The following CACNA2D3 variants were observed in gnomAD, a reference collection of about 807,000 sequenced individuals.
The protein encoded by CACNA2D3 is calcium voltage-gated channel auxiliary subunit alpha2delta 3.
Under a neutral mutation model 160.6 loss-of-function variants are expected in CACNA2D3, and 60 were observed. That is an observed-to-expected ratio of 0.37 (90% confidence interval 0.30 to 0.46). The LOEUF is 0.46. Among genes scored for constraint, CACNA2D3 ranks in the 20% least tolerant of loss-of-function variants. CACNA2D3 has a pLI of 1.00. For missense variants in CACNA2D3, 1,205 were observed against 1,365.0 expected, an observed-to-expected ratio of 0.88 and a Z score of 1.85; for synonymous variants, 558 against 492.9, an observed-to-expected ratio of 1.13 and a Z score of -1.75.
intron 11 of CACNA2D3, among the ~76,000 whole-genome samples, chr3:54,695,968 G>A (rs769261326): frequency 1.3e-5 from 2 of 152,098 alleles, no homozygotes; most frequent in Non-Finnish European, 2.9e-5. Context: ...TTCCTGAAAA[G>A]GCCTTGGTTT....
At chr3:54,831,710 T>C (rs560859689) in intron 14 of CACNA2D3, among the ~76,000 whole-genome samples, 1 of 152,332 alleles carries the variant, frequency 6.6e-6, no homozygotes, top group Admixed American at 6.5e-5. Flanking sequence ...CTTTTGCCTT[T>C]GGCCTTTTTG....
At chr3:54,842,601 TC>T (rs1476261391) in intron 16 of CACNA2D3, among the ~76,000 whole-genome samples, 15 of 102,018 alleles carry the variant, frequency 1.5e-4, no homozygotes, top group Admixed American at 2.0e-4. Context: ...TTCTTTTTTT[TC>T]TTTTCTTTTT....
At chr3:54,451,447 C>G (rs1326089988) in intron 4 of CACNA2D3, among the ~76,000 whole-genome samples, 1 of 151,798 alleles carries the variant, frequency 6.6e-6, no homozygotes, top group East Asian at 1.9e-4. Flanking sequence ...TGTTAGTCTT[C>G]TACAAATGTC....
rs547495322 is a variant in CACNA2D3, at chr3:54,454,791, C to T, written c.382-48701C>T. ...CCTCTAATAACCATTATTCTACTCT[C>T]TGCTTATATGGGATCAACTTTTTTA... On this transcript the variant is annotated intron_variant, in intron 4 of 37. Transcript: ENST00000474759. Among the ~76,000 whole-genome samples, 8 of 152,248 alleles carry T rather than the reference C, an allele frequency of 5.3e-5. No individual in the cohort carries two copies. The East Asian group carries it at 1.5e-3, about 29-fold the overall frequency.
At chr3:54,346,730 G>C (rs1698465061) in intron 3 of CACNA2D3, among the ~76,000 whole-genome samples, 2 of 152,042 alleles carry the variant, frequency 1.3e-5, no homozygotes, top group South Asian at 4.2e-4. Context: ...CTCACTCTTT[G>C]TGTTGTATAG....
intron 10 of CACNA2D3, among the ~76,000 whole-genome samples, chr3:54,628,137 CAGG>C (rs1699162411): frequency 1.3e-5 from 2 of 152,114 alleles, no homozygotes; most frequent in South Asian, 4.2e-4. Context: ...GAGGTGGAGG[CAGG>C]AGAATGGTGT....
At chr3:54,618,381 A>ATATATATG (rs1244173135) in intron 9 of CACNA2D3, among the ~76,000 whole-genome samples, 2 of 140,230 alleles carry the variant, frequency 1.4e-5, no homozygotes, top group Non-Finnish European at 3.1e-5. Context: ...ATATGCACAC[A>ATATATATG]CACACACACA....
chr3:54,341,294 G>C (rs1698335870), intron 3 of CACNA2D3, among the ~76,000 whole-genome samples: 1 of 152,210 alleles, frequency 6.6e-6, no homozygotes, highest in Admixed American at 6.5e-5. Context: ...GACTCTACCA[G>C]TGGCTGATCA....
chr3:54,926,505 TACACACACACACACAC>T (rs36205023), intron 27 of CACNA2D3, among the ~76,000 whole-genome samples: 105 of 143,402 alleles, frequency 7.3e-4, no homozygotes, highest in African/African-American at 1.9e-3. Context: ...GCCTGTCAAA[TACACACACACACACAC>T]ACACACACAC....
At chr3:54,377,743 A>G (rs1471319349) in intron 3 of CACNA2D3, among the ~76,000 whole-genome samples, 1 of 152,220 alleles carries the variant, frequency 6.6e-6, no homozygotes, top group Non-Finnish European at 1.5e-5. Flanking sequence ...CTGTAACAAA[A>G]TGTACCCCAA....
intron 2 of CACNA2D3, among the ~76,000 whole-genome samples, chr3:54,124,152 C>T (rs550114386): frequency 4.6e-5 from 7 of 152,216 alleles, no homozygotes; most frequent in Non-Finnish European, 1.0e-4. Flanking sequence ...CTCAGCTGCA[C>T]TGCCGGGTAA....
At chr3:54,825,873 A>G (rs148858549) in intron 14 of CACNA2D3, among the ~76,000 whole-genome samples, 1 of 152,298 alleles carries the variant, frequency 6.6e-6, no homozygotes, top group African/African-American at 2.4e-5. Context: ...ATCTGACTTT[A>G]TTAGTTCTCA....
intron 11 of CACNA2D3, among the ~76,000 whole-genome samples, chr3:54,736,044 TACAC>T (rs1173062299): frequency 0.033 from 1,654 of 50,136 alleles, 219 homozygotes; most frequent in African/African-American, 0.043. Context: ...TGTATATATA[TACAC>T]ATACATATGT....
At chr3:54,338,054 C>T (rs1441773867) in intron 3 of CACNA2D3, among the ~76,000 whole-genome samples, 1 of 152,232 alleles carries the variant, frequency 6.6e-6, no homozygotes, top group African/African-American at 2.4e-5. Flanking sequence ...CGAGGACAGA[C>T]AACACCAGTA....
intron 21 of CACNA2D3, among the ~76,000 whole-genome samples, chr3:54,883,829 T>TCC (rs1553904223): frequency 6.9e-5 from 10 of 145,700 alleles, no homozygotes; most frequent in Non-Finnish European, 1.2e-4. Flanking sequence ...CTCTCCTCTC[T>TCC]CTCCCTTCAA....
chr3:54,613,643 A>G (rs1698788554), intron 9 of CACNA2D3, among the ~76,000 whole-genome samples: 1 of 152,188 alleles, frequency 6.6e-6, no homozygotes, highest in African/African-American at 2.4e-5. Flanking sequence ...CAACCACTGT[A>G]GCCAATAACT....
intron 14 of CACNA2D3, among the ~76,000 whole-genome samples, chr3:54,835,391 C>A (rs1453985562): frequency 6.6e-6 from 1 of 152,120 alleles, no homozygotes; most frequent in Non-Finnish European, 1.5e-5. Context: ...TGGAATGGGG[C>A]CTGAGACTAA....
intron 2 of CACNA2D3, among the ~76,000 whole-genome samples, chr3:54,146,571 G>T (rs1700032471): frequency 6.6e-6 from 1 of 152,088 alleles, no homozygotes; most frequent in Non-Finnish European, 1.5e-5. Context: ...ACCATTCCAT[G>T]GGCTGACACA....
At position 54,965,969 on chromosome 3, in the gene CACNA2D3, G is replaced by A. The variant is rs1026460605; in HGVS notation, c.2450-2481G>A. Reference sequence around the variant, plus strand: ...AGCCTGCATGATTAATGGGATGGAGGGACTGACTCATGAGGAAAGATGAAA... The same window carrying A: ...AGCCTGCATGATTAATGGGATGGAGAGACTGACTCATGAGGAAAGATGAAA... On this transcript the variant is annotated intron_variant, in intron 27 of 37. Transcript: ENST00000474759. Among the ~76,000 whole-genome samples, 50 of 152,104 alleles carry A rather than the reference G, an allele frequency of 3.3e-4. 1 individual carries two copies. Among genetic ancestry groups the A allele is most frequent in the African/African-American group, 9.9e-4 (41 of 41,404 alleles).
Sources: gnomAD v4.1 joint callset for allele counts (sites outside exome capture counted in the v4.1 genomes callset) on GRCh38, gnomAD v4.1.1 for gene constraint, MANE v1.5 for transcripts, NCBI Gene and HGNC (gene_info 2026-07-23, HGNC 2026-07-21) for gene names.